The following NLK variants were observed in gnomAD, a reference collection of about 807,000 sequenced individuals.
The protein encoded by NLK is serine/threonine-protein kinase NLK.
NLK carries 11 observed loss-of-function variants against 59.0 expected under a neutral mutation model. The ratio of observed to expected loss-of-function variants is 0.19; its 90% CI spans 0.12 to 0.31. The LOEUF (loss-of-function observed/expected upper bound fraction) is 0.31. NLK is among the 10% of genes least tolerant of loss of function. The pLI is 1.00. For synonymous variants in NLK, 235 were observed against 235.9 expected (o/e 1.00, Z 0.03); for missense variants, 410 against 661.1 (o/e 0.62, Z 4.16).
chr17:28,112,674 GGTTT>G (rs2142806411), intron 1 of NLK, among the ~76,000 whole-genome samples: 1 of 152,004 alleles, frequency 6.6e-6, no homozygotes, highest in Admixed American at 6.6e-5. Flanking sequence ...AATATTTTTG[GGTTT>G]GTTTATTTTT....
chr17:28,131,485 T>A (rs534414500), intron 2 of NLK, among the ~76,000 whole-genome samples: 11 of 145,924 alleles, frequency 7.5e-5, no homozygotes, highest in Non-Finnish European at 1.5e-4. Flanking sequence ...AGAGATGAAA[T>A]AAGAATGTTC....
chr17:28,186,068 C>G (rs903253281), intron 8 of NLK, among the ~76,000 whole-genome samples: 5 of 152,058 alleles, frequency 3.3e-5, no homozygotes, highest in Admixed American at 1.3e-4. Flanking sequence ...TCAAAGAAGA[C>G]TTAAAAATGG....
intron 3 of NLK, among the ~76,000 whole-genome samples, chr17:28,135,112 T>TATCAGTGTG (rs1206767546): frequency 5.3e-5 from 8 of 152,194 alleles, no homozygotes; most frequent in Non-Finnish European, 1.0e-4. Flanking sequence ...GTAGCATTCC[T>TATCAGTGTG]ATCAGTGTGT....
chr17:28,160,756 A>G (rs1468610094), intron 3 of NLK, among the ~76,000 whole-genome samples: 2 of 152,214 alleles, frequency 1.3e-5, no homozygotes, highest in Non-Finnish European at 2.9e-5. Context: ...GATCTTTTCC[A>G]TTGGTGTCAT....
At chr17:28,184,635 GTGGGTAATCA>G (rs1165602387) in intron 7 of NLK, among the ~76,000 whole-genome samples, 2 of 152,186 alleles carry the variant, frequency 1.3e-5, no homozygotes, top group Admixed American at 1.3e-4. Flanking sequence ...TTCCCCTACA[GTGGGTAATCA>G]TGCAATGTAA....
intron 1 of NLK, among the ~76,000 whole-genome samples, chr17:28,111,861 CGTGTGTGTGTGT>C (rs144479598): frequency 1.3e-5 from 1 of 74,076 alleles, no homozygotes; most frequent in African/African-American, 5.2e-5. Context: ...AGGCTTATAC[CGTGTGTGTGTGT>C]GTGTGTGTGT....
intron 3 of NLK, among the ~76,000 whole-genome samples, chr17:28,155,793 T>C (rs1486943299): frequency 7.4e-6 from 1 of 134,780 alleles, no homozygotes; most frequent in East Asian, 2.1e-4. Context: ...GGTGGAGGGC[T>C]GGGGGTGGGA....
At chr17:28,079,636 G>C (rs548679718) in intron 1 of NLK, among the ~76,000 whole-genome samples, 1 of 152,182 alleles carries the variant, frequency 6.6e-6, no homozygotes, top group African/African-American at 2.4e-5. Flanking sequence ...TCATATGCTT[G>C]TTGGCCATTT....
At chr17:28,149,321 C>T (rs1050686427) in intron 3 of NLK, among the ~76,000 whole-genome samples, 7 of 152,176 alleles carry the variant, frequency 4.6e-5, no homozygotes, top group African/African-American at 1.7e-4. Flanking sequence ...GCCTCGGCCT[C>T]CCAAAGTGCC....
At chr17:28,114,569 A>G (rs1905674813) in intron 1 of NLK, among the ~76,000 whole-genome samples, 1 of 152,220 alleles carries the variant, frequency 6.6e-6, no homozygotes. Context: ...GTAGTCAAAT[A>G]TATCAATATT....
intron 3 of NLK, among the ~76,000 whole-genome samples, chr17:28,149,145 C>T (rs1032787919): frequency 6.6e-6 from 1 of 152,188 alleles, no homozygotes; most frequent in African/African-American, 2.4e-5. Flanking sequence ...ACTGCAGCCT[C>T]GAACTCCTGG....
At chr17:28,071,702 C>T (rs955099969) in intron 1 of NLK, among the ~76,000 whole-genome samples, 6 of 152,168 alleles carry the variant, frequency 3.9e-5, no homozygotes, top group Middle Eastern at 3.2e-3. Flanking sequence ...TACTTGAGGG[C>T]GATCCCTCTC....
intron 1 of NLK, among the ~76,000 whole-genome samples, chr17:28,053,665 T>A (rs1909339454): frequency 6.6e-6 from 1 of 152,154 alleles, no homozygotes; most frequent in Non-Finnish European, 1.5e-5. Flanking sequence ...TGCTCTGAGC[T>A]ACAGAAAAAA....
the NLK span, among the ~76,000 whole-genome samples, chr17:28,204,643 A>G: frequency 6.6e-6 from 1 of 152,216 alleles, no homozygotes. Context: ...AAACAGACAA[A>G]AACCTCTGCC....
At chr17:28,111,929 G>GT (rs1462685875) in intron 1 of NLK, among the ~76,000 whole-genome samples, 3 of 148,898 alleles carry the variant, frequency 2.0e-5, no homozygotes, top group African/African-American at 7.4e-5. Flanking sequence ...GTGTGTGTGT[G>GT]TGTGTGTGTG....
At chr17:28,203,160 T>TACACACACACACACACAC in the NLK span, among the ~76,000 whole-genome samples, 170 of 127,128 alleles carry the variant, frequency 1.3e-3, 3 homozygotes, top group African/African-American at 5.5e-3. Flanking sequence ...TGTATATACA[T>TACACACACACACACACAC]ACATACACAC....
intron 1 of NLK, among the ~76,000 whole-genome samples, chr17:28,085,363 A>G (rs1286192087): frequency 6.6e-6 from 1 of 152,230 alleles, no homozygotes; most frequent in Non-Finnish European, 1.5e-5. Flanking sequence ...TAAACAAGCG[A>G]AGAAAGTACA....
At chr17:28,143,915 A>G (rs938761604) in intron 3 of NLK, among the ~76,000 whole-genome samples, 1 of 152,238 alleles carries the variant, frequency 6.6e-6, no homozygotes, top group African/African-American at 2.4e-5. Flanking sequence ...ATTATGACAT[A>G]TTTATACAAC....
chr17:28,175,003 T>TC (rs1908616621), intron 7 of NLK, among the ~76,000 whole-genome samples: 1 of 151,414 alleles, frequency 6.6e-6, no homozygotes, highest in African/African-American at 2.4e-5. Flanking sequence ...TTTTTTTTTT[T>TC]ACTTTAAAAG....
Sources: allele counts gnomAD v4.1 joint callset (sites outside exome capture counted in the v4.1 genomes callset), GRCh38; gene constraint gnomAD v4.1.1; transcripts MANE v1.5; gene names NCBI Gene and HGNC (gene_info 2026-07-23, HGNC 2026-07-21).